Variants in SRL observed in about 807,000 individuals in gnomAD.
SRL encodes the protein sarcalumenin.
SRL carries 23 observed loss-of-function variants against 39.5 expected under a neutral mutation model. The ratio of observed to expected loss-of-function variants is 0.58; its 90% CI spans 0.42 to 0.82. The LOEUF (loss-of-function observed/expected upper bound fraction) is 0.82, where lower values mean the gene tolerates loss of function less well. Ranked by LOEUF, SRL falls within the 40% of genes least tolerant of loss-of-function variation. The pLI, the probability that SRL is intolerant of heterozygous loss-of-function variation, is 0.00. For synonymous variants in SRL, 272 were observed against 237.4 expected (o/e 1.15, Z -1.34); for missense variants, 592 against 607.8 (o/e 0.97, Z 0.27).
chr16:4,223,000 C>T (rs1462207817), intron 1 of SRL, among the ~76,000 whole-genome samples: 34 of 151,948 alleles, frequency 2.2e-4, no homozygotes, highest in Non-Finnish European at 2.1e-4. Flanking sequence ...GAGGCTGAGG[C>T]GGGAAGATCA....
intron 1 of SRL, among the ~76,000 whole-genome samples, chr16:4,240,863 T>C (rs908417761): frequency 3.9e-5 from 6 of 152,010 alleles, no homozygotes; most frequent in Non-Finnish European, 7.4e-5. Context: ...TACTCAGCAC[T>C]CAAGCCGCTG....
At chr16:4,194,031 C>G (rs2141021206) in intron 5 of SRL, among the ~76,000 whole-genome samples, 1 of 151,930 alleles carries the variant, frequency 6.6e-6, no homozygotes, top group Admixed American at 6.6e-5. Flanking sequence ...TATTTATAAC[C>G]ACAATTGGAG....
intron 3 of SRL, among the ~76,000 whole-genome samples, chr16:4,198,284 G>A (rs962667227): frequency 6.6e-6 from 1 of 152,190 alleles, no homozygotes; most frequent in Non-Finnish European, 1.5e-5. Context: ...GAGAATCTGG[G>A]TTGAGAATGG....
intron 1 of SRL, among the ~76,000 whole-genome samples, chr16:4,210,351 A>G (rs575968414): frequency 6.6e-6 from 1 of 152,286 alleles, no homozygotes; most frequent in South Asian, 2.1e-4. Context: ...AATGTATATG[A>G]CATACATCTG....
chr16:4,195,789 G>A lies in SRL; in HGVS notation c.377-3C>T. On this transcript the variant is annotated splice_polypyrimidine_tract_variant and splice_region_variant and intron_variant, in intron 4 of 5. Transcript: ENST00000399609. ...CTCAGAGGTGGTGGGTTCAGCGCCT[G>A]GGCACACGGGGTGAGAGGTGAAGGA... is the stretch of plus-strand genomic sequence containing the variant. The A allele has an allele frequency of 1.9e-6, 3 of 1,610,948 alleles. No individual in the cohort carries two copies. The highest frequency in any genetic ancestry group is 2.5e-6 in the Non-Finnish European group (3 of 1,177,752).
At chr16:4,198,241 C>T (rs2052175870) in intron 3 of SRL, among the ~76,000 whole-genome samples, 1 of 152,192 alleles carries the variant, frequency 6.6e-6, no homozygotes, top group South Asian at 2.1e-4. Flanking sequence ...GAGAAAAGCC[C>T]ATAGAGAAAG....
intron 1 of SRL, among the ~76,000 whole-genome samples, chr16:4,226,671 T>C (rs1409181147): frequency 6.7e-6 from 1 of 150,104 alleles, no homozygotes. Flanking sequence ...GGAAGGATGA[T>C]GGATGGTTGA....
At chr16:4,193,852 G>T (rs1297236954) in intron 5 of SRL, among the ~76,000 whole-genome samples, 1 of 148,402 alleles carries the variant, frequency 6.7e-6, no homozygotes, top group African/African-American at 2.5e-5. Flanking sequence ...GTGTAGTAGG[G>T]GTACAATTTA....
chr16:4,223,578 G>T (rs144594142), intron 1 of SRL, among the ~76,000 whole-genome samples: 3 of 151,378 alleles, frequency 2.0e-5, no homozygotes, highest in Non-Finnish European at 2.9e-5. Context: ...TAGAGACAGG[G>T]TCTTACTCTG....
chr16:4,220,507 A>G (rs1013439495), intron 1 of SRL, among the ~76,000 whole-genome samples: 3 of 151,644 alleles, frequency 2.0e-5, no homozygotes, highest in African/African-American at 7.3e-5. Context: ...AGAGCCTCTG[A>G]TTTACATCCC....
chr16:4,218,242 C>T (rs898083163), intron 1 of SRL, among the ~76,000 whole-genome samples: 29 of 152,192 alleles, frequency 1.9e-4, no homozygotes, highest in African/African-American at 6.3e-4. Context: ...TTCACCCCAA[C>T]GCAAACGCGC....
intron 1 of SRL, among the ~76,000 whole-genome samples, chr16:4,209,744 T>TC (rs1458588662): frequency 6.6e-6 from 1 of 152,088 alleles, no homozygotes; most frequent in Non-Finnish European, 1.5e-5. Flanking sequence ...ATACAACTTT[T>TC]CCCCCAGCAC....
At chr16:4,209,321 G>T (rs1450008945) in intron 1 of SRL, among the ~76,000 whole-genome samples, 2 of 151,936 alleles carry the variant, frequency 1.3e-5, no homozygotes, top group African/African-American at 4.8e-5. Flanking sequence ...CCACCCCTCT[G>T]CCCCCTGCCC....
At chr16:4,225,929 T>C (rs2052582911) in intron 1 of SRL, among the ~76,000 whole-genome samples, 1 of 152,092 alleles carries the variant, frequency 6.6e-6, no homozygotes, top group Admixed American at 6.6e-5. Context: ...ATCTCTCCCA[T>C]GTGCCCCCTC....
chr16:4,219,527 C>T (rs1487787828), intron 1 of SRL, among the ~76,000 whole-genome samples: 1 of 152,188 alleles, frequency 6.6e-6, no homozygotes, highest in Non-Finnish European at 1.5e-5. Flanking sequence ...GATATCGGCT[C>T]ACTGCAACGT....
intron 3 of SRL, among the ~76,000 whole-genome samples, chr16:4,199,855 C>G (rs1376404130): frequency 6.6e-6 from 1 of 151,820 alleles, no homozygotes; most frequent in Non-Finnish European, 1.5e-5. Context: ...TGCCACCACG[C>G]CTGGCTAATT....
Position 4,195,792 on chromosome 16 carries a change from C to A in SRL, c.377-6G>T, listed in dbSNP as rs372621809. ...AGAGGTGGTGGGTTCAGCGCCTGGG[C>A]ACACGGGGTGAGAGGTGAAGGAATA... On this transcript the variant is annotated splice_polypyrimidine_tract_variant and splice_region_variant and intron_variant, in intron 4 of 5. Coordinates refer to ENST00000399609, the MANE Select transcript of SRL (RefSeq NM_001098814.2). The A allele has an allele frequency of 1.4e-5, 23 of 1,610,452 alleles. No individual in the cohort carries two copies. In the African/African-American group the frequency reaches 2.9e-4, roughly 21 times the overall value.
At chr16:4,225,407 A>T (rs982394663) in intron 1 of SRL, among the ~76,000 whole-genome samples, 1 of 151,676 alleles carries the variant, frequency 6.6e-6, no homozygotes, top group African/African-American at 2.4e-5. Context: ...ACATAGGGAG[A>T]CCTCATCTCT....
chr16:4,235,579 T>G (rs1224946636), intron 1 of SRL, among the ~76,000 whole-genome samples: 1 of 152,104 alleles, frequency 6.6e-6, no homozygotes, highest in Non-Finnish European at 1.5e-5. Context: ...CACATGCCTG[T>G]AGTCCCAGCT....
Sources: gnomAD v4.1 joint callset for allele counts (sites outside exome capture counted in the v4.1 genomes callset) on GRCh38, gnomAD v4.1.1 for gene constraint, MANE v1.5 for transcripts, NCBI Gene and HGNC (gene_info 2026-07-23, HGNC 2026-07-21) for gene names.